The following CCDC141 variants were observed in gnomAD, a reference collection of about 807,000 sequenced individuals.
The protein encoded by CCDC141 is coiled-coil domain containing 141.
Under a neutral mutation model 181.0 loss-of-function variants are expected in CCDC141, and 168 were observed. The ratio of observed to expected loss-of-function variants is 0.93; its 90% CI spans 0.82 to 1.05. The LOEUF (loss-of-function observed/expected upper bound fraction) is 1.05, where lower values mean the gene tolerates loss of function less well. CCDC141 is among the 50% of genes least tolerant of loss of function. The probability of loss-of-function intolerance (pLI) is 0.00; values close to 1 mark genes in which losing one functional copy is unlikely to be tolerated. For synonymous variants in CCDC141, 666 were observed against 642.3 expected (o/e 1.04, Z -0.56); for missense variants, 1,902 against 1,788.5 (o/e 1.06, Z -1.14).
chr2:178,902,140 T>A (rs539285343), intron 8 of CCDC141, among the ~76,000 whole-genome samples: 1 of 152,216 alleles, frequency 6.6e-6, no homozygotes, highest in Non-Finnish European at 1.5e-5. Context: ...TCCATGCTCA[T>A]GGGTAGGAAG....
At chr2:179,045,173 C>A in intron 2 of CCDC141, among the ~76,000 whole-genome samples, 1 of 143,740 alleles carries the variant, frequency 7.0e-6, no homozygotes, top group Non-Finnish European at 1.5e-5. Context: ...CCCCTCGACC[C>A]CACAACAGTC....
chr2:178,988,470 A>C (rs1174928384), intron 2 of CCDC141, among the ~76,000 whole-genome samples: 1 of 135,734 alleles, frequency 7.4e-6, no homozygotes, highest in East Asian at 1.9e-4. Context: ...AAAGTATAAT[A>C]ATAAAAAATA....
At chr2:178,847,257 C>G (rs576497129) in intron 21 of CCDC141, among the ~76,000 whole-genome samples, 1 of 152,114 alleles carries the variant, frequency 6.6e-6, no homozygotes, top group Non-Finnish European at 1.5e-5. Flanking sequence ...AGGCCAGGTG[C>G]GGTGGCTCAC....
chr2:178,871,845 A>G (rs567128059), intron 13 of CCDC141, among the ~76,000 whole-genome samples: 4 of 152,272 alleles, frequency 2.6e-5, no homozygotes, highest in African/African-American at 9.6e-5. Context: ...TGTGCAATCA[A>G]CATCACCACC....
At chr2:178,852,752 T>A (rs1199281940) in intron 20 of CCDC141, among the ~76,000 whole-genome samples, 1 of 152,240 alleles carries the variant, frequency 6.6e-6, no homozygotes, top group Non-Finnish European at 1.5e-5. Context: ...ACAGGACCGA[T>A]ACCAGGGAAT....
At chr2:179,034,227 G>A (rs1575373776) in intron 2 of CCDC141, among the ~76,000 whole-genome samples, 1 of 152,174 alleles carries the variant, frequency 6.6e-6, no homozygotes, top group South Asian at 2.1e-4. Flanking sequence ...ATTATCCTTA[G>A]CAAACTAAAG....
intron 2 of CCDC141, among the ~76,000 whole-genome samples, chr2:179,020,010 C>T (rs956714231): frequency 1.3e-4 from 20 of 152,034 alleles, no homozygotes; most frequent in Non-Finnish European, 2.5e-4. Context: ...ACCACCTGGG[C>T]CTACCAAAGT....
intron 2 of CCDC141, among the ~76,000 whole-genome samples, chr2:179,044,687 A>G (rs2043428277): frequency 6.6e-6 from 1 of 152,222 alleles, no homozygotes; most frequent in South Asian, 2.1e-4. Context: ...TTTCAAGCCC[A>G]GGTTAGCTTC....
chr2:179,023,145 T>C (rs1423059375), intron 2 of CCDC141, among the ~76,000 whole-genome samples: 1 of 152,194 alleles, frequency 6.6e-6, no homozygotes, highest in Non-Finnish European at 1.5e-5. Context: ...CACTTGTGTA[T>C]GTATTAGTTT....
the CCDC141 span, among the ~76,000 whole-genome samples, chr2:178,822,812 CA>C: frequency 6.6e-6 from 1 of 152,114 alleles, no homozygotes; most frequent in Non-Finnish European, 1.5e-5. Flanking sequence ...AAATTTAAAA[CA>C]AAAGTGAAGA....
At chr2:178,911,597 T>C (rs528209258) in intron 7 of CCDC141, among the ~76,000 whole-genome samples, 2 of 152,354 alleles carry the variant, frequency 1.3e-5, no homozygotes, top group African/African-American at 4.8e-5. Context: ...TAAGAACTTT[T>C]ATTATTGAAT....
chr2:178,865,790 C>A lies in CCDC141; in HGVS notation c.2701G>T (p.Ala901Ser), dbSNP rs139607358. ...RTLSRSVEYC[A>S]MRDEINELKD... ...ACCTCATTTATCTCGTCTCTCATGG[C>A]GCAGTACTCCACACTACGGGACAGG... The change falls in exon 17 of 24, where the codon GCC becomes TCC. Residue 901 changes from alanine to serine, a missense_variant. By Grantham distance (99) the Ala-to-Ser change is moderately conservative. Coordinates refer to ENST00000443758, the MANE Select transcript of CCDC141 (RefSeq NM_173648.4). 1 of 1,578,046 alleles carries A rather than the reference C, an allele frequency of 6.3e-7. No homozygotes were observed. The highest frequency in any genetic ancestry group is 8.6e-7 in the Non-Finnish European group (1 of 1,163,644).
chr2:178,929,223 G>A (rs1247150726), intron 6 of CCDC141, among the ~76,000 whole-genome samples: 5 of 152,158 alleles, frequency 3.3e-5, no homozygotes, highest in African/African-American at 1.2e-4. Flanking sequence ...CATCAGATAT[G>A]TGAGCTGATT....
chr2:178,920,950 T>TAA (rs2154374849), intron 6 of CCDC141, among the ~76,000 whole-genome samples: 1 of 152,308 alleles, frequency 6.6e-6, no homozygotes, highest in East Asian at 1.9e-4. Context: ...CAAAAACCCT[T>TAA]AAATTAGATA....
chr2:178,916,098 A>AC (rs1396577467), intron 7 of CCDC141, among the ~76,000 whole-genome samples: 16 of 151,946 alleles, frequency 1.1e-4, no homozygotes, highest in African/African-American at 3.9e-4. Context: ...AAAATCTCAA[A>AC]CCCCTCACAG....
intron 7 of CCDC141, among the ~76,000 whole-genome samples, chr2:178,914,582 C>T (rs1215474733): frequency 6.6e-6 from 1 of 152,184 alleles, no homozygotes; most frequent in Non-Finnish European, 1.5e-5. Context: ...ATCAATTGCA[C>T]TCCTGGAGCC....
intron 12 of CCDC141, chr2:178,876,975 A>C (rs748313174): frequency 6.6e-6 from 1 of 152,184 alleles, no homozygotes; most frequent in African/African-American, 2.4e-5. Context: ...ATGTACCAGC[A>C]AAGTGAAACT....
intron 2 of CCDC141, among the ~76,000 whole-genome samples, chr2:179,012,332 G>C (rs1470226388): frequency 2.0e-5 from 3 of 152,032 alleles, no homozygotes; most frequent in African/African-American, 7.2e-5. Flanking sequence ...ATCATTCAAG[G>C]CTACTATGAA....
At chr2:179,039,291 G>A (rs574847413) in intron 2 of CCDC141, among the ~76,000 whole-genome samples, 15 of 151,982 alleles carry the variant, frequency 9.9e-5, no homozygotes, top group South Asian at 2.1e-4. Context: ...CTCAGTTTTC[G>A]GAATTTTTTT....
Sources: allele counts gnomAD v4.1 joint callset (sites outside exome capture counted in the v4.1 genomes callset), GRCh38; gene constraint gnomAD v4.1.1; transcripts MANE v1.5; gene names NCBI Gene and HGNC (gene_info 2026-07-23, HGNC 2026-07-21).